The following OSGIN1 variants were observed in gnomAD, a reference collection of about 807,000 sequenced individuals.
OSGIN1 encodes oxidative stress-induced growth inhibitor 1.
OSGIN1 carries 19 observed loss-of-function variants against 20.1 expected under a neutral mutation model. The ratio of observed to expected loss-of-function variants is 0.95; its 90% CI spans 0.66 to 1.39. The LOEUF (loss-of-function observed/expected upper bound fraction) is 1.39. OSGIN1 is among the 40% of genes most tolerant of loss of function. The pLI, the probability that OSGIN1 is intolerant of heterozygous loss-of-function variation, is 0.00. For synonymous variants in OSGIN1, 368 were observed against 297.8 expected (o/e 1.24, Z -2.43); for missense variants, 820 against 653.0 (o/e 1.26, Z -2.79).
chr16:83,953,955 T>C (rs1236082487), intron 1 of OSGIN1, among the ~76,000 whole-genome samples: 1 of 152,232 alleles, frequency 6.6e-6, no homozygotes, highest in South Asian at 2.1e-4. Context: ...CTGTGATAAA[T>C]GGCAAGTGCC....
At chr16:83,958,250 G>A (rs1909037963) in intron 2 of OSGIN1, among the ~76,000 whole-genome samples, 1 of 152,212 alleles carries the variant, frequency 6.6e-6, no homozygotes, top group African/African-American at 2.4e-5. Flanking sequence ...GCTAGGCTTA[G>A]CAGTTTATAA....
At chr16:83,957,523 A>C (rs545836887) in intron 1 of OSGIN1, 117 bp from the exon 2 acceptor site, 2 of 640,538 alleles carry the variant, frequency 3.1e-6, no homozygotes, top group South Asian at 3.4e-5. Context: ...TCTCATGGGG[A>C]CCCCGGACCA....
rs1242262502 is a variant in OSGIN1 at position 83,965,618 on chromosome 16, A to G, written c.1045A>G (p.Ile349Val). ...KVHQMMREQS[I>V]LSPSPYEGYR... ...GCACCAGATGATGCGGGAGCAGTCC[A>G]TCCTGTCGCCCAGCCCCTATGAGGG... The change falls in exon 6 of 6, where the codon ATC becomes GTC. Residue 349 changes from isoleucine to valine, a missense_variant. Transcript: ENST00000393306. 3.7e-6 allele frequency: 6 copies of G among 1,613,056 alleles called. No homozygotes were observed. Among genetic ancestry groups the G allele is most frequent in the African/African-American group, 1.3e-5 (1 of 74,922 alleles).
chr16:83,958,674 G>A (rs1350399376), intron 2 of OSGIN1, among the ~76,000 whole-genome samples: 4 of 152,174 alleles, frequency 2.6e-5, no homozygotes, highest in Non-Finnish European at 5.9e-5. Flanking sequence ...CTGGTGAATC[G>A]CCCAGGAAGC....
chr16:83,953,682 C>G (rs1211602906), intron 1 of OSGIN1, among the ~76,000 whole-genome samples: 1 of 152,222 alleles, frequency 6.6e-6, no homozygotes, highest in Non-Finnish European at 1.5e-5. Flanking sequence ...AGGGGTGTGG[C>G]CAGCCCGGGC....
chr16:83,961,191 C>T (rs181534695), intron 5 of OSGIN1, 119 bp downstream of exon 5: 400 of 755,336 alleles, frequency 5.3e-4, no homozygotes, highest in Admixed American at 1.0e-3. Flanking sequence ...AGGACGCGCC[C>T]GTGACAGCCT....
chr16:83,964,885 C>A (rs2084257238), intron 5 of OSGIN1, among the ~76,000 whole-genome samples, 177 bp from the exon 6 acceptor site: 1 of 152,144 alleles, frequency 6.6e-6, no homozygotes, highest in South Asian at 2.1e-4. Flanking sequence ...CCCTTGTTAG[C>A]TCCATTTTAC....
intron 1 of OSGIN1, among the ~76,000 whole-genome samples, chr16:83,955,551 G>A (rs934547809): frequency 1.3e-5 from 2 of 152,170 alleles, no homozygotes; most frequent in African/African-American, 2.4e-5. Context: ...GGTGAGAAAC[G>A]CTCTGGCCCT....
intron 1 of OSGIN1, among the ~76,000 whole-genome samples, chr16:83,957,330 G>T (rs146512204): frequency 6.6e-6 from 1 of 152,068 alleles, no homozygotes; most frequent in Non-Finnish European, 1.5e-5. Context: ...AATGAGTTTC[G>T]GGGACTGTTA....
intron 1 of OSGIN1, among the ~76,000 whole-genome samples, chr16:83,956,005 ACATC>A (rs1392959797): frequency 5.9e-5 from 9 of 152,154 alleles, no homozygotes; most frequent in Non-Finnish European, 1.2e-4. Context: ...CCCGCTAGGC[ACATC>A]CTCACCCTCG....
intron 5 of OSGIN1, among the ~76,000 whole-genome samples, chr16:83,961,409 G>A (rs966986119): frequency 2.0e-5 from 3 of 152,124 alleles, no homozygotes; most frequent in Non-Finnish European, 2.9e-5. Context: ...TTCTTTTGAG[G>A]TTCTGATGAG....
chr16:83,955,213 A>T (rs1468191703), intron 1 of OSGIN1, among the ~76,000 whole-genome samples: 1 of 152,162 alleles, frequency 6.6e-6, no homozygotes, highest in Non-Finnish European at 1.5e-5. Flanking sequence ...ATCAGGAGCA[A>T]GCCAGAGAAA....
intron 1 of OSGIN1, among the ~76,000 whole-genome samples, chr16:83,956,478 C>G (rs1908936504): frequency 6.6e-6 from 1 of 152,154 alleles, no homozygotes; most frequent in African/African-American, 2.4e-5. Flanking sequence ...TGCCCGCCCA[C>G]TTGAGTGTGA....
chr16:83,960,283 C>T (rs1213949509), intron 3 of OSGIN1, among the ~76,000 whole-genome samples: 1 of 152,202 alleles, frequency 6.6e-6, no homozygotes, highest in Non-Finnish European at 1.5e-5. Context: ...CAGCACCTCC[C>T]AAGCTGATCT....
chr16:83,957,584 G>A (rs1484306798), intron 1 of OSGIN1, 56 bp from the exon 2 acceptor site: 1 of 897,622 alleles, frequency 1.1e-6, no homozygotes, highest in East Asian at 2.7e-5. Flanking sequence ...AAGTGGCTGT[G>A]TGGACACCCA....
rs751893070 is a variant in OSGIN1, at chr16:83,957,699, G to A, written c.28G>A (p.Gly10Ser). MSSSRKDHLGASSSEPLPVI... is the reference protein window; with the variant it reads MSSSRKDHLSASSSEPLPVI... ...GAGCTCCTCCAGAAAGGACCACCTC[G>A]GCGCCAGCAGCTCAGAGCCCCTCCC... Residue 10 changes from glycine (G) to serine (S), a missense_variant, in exon 2 of 6, where the codon GGC becomes AGC. Transcript: ENST00000393306. The A allele has an allele frequency of 1.2e-5, 20 of 1,606,312 alleles. No individual in the cohort carries two copies. Among genetic ancestry groups the A allele is most frequent in the East Asian group, 4.5e-5 (2 of 44,450 alleles).
rs562359266 is a variant in OSGIN1, at chr16:83,962,732, G to T, written c.488+1660G>T. Among the ~76,000 whole-genome samples the T allele has an allele frequency of 5.9e-5, 9 of 152,314 alleles. 1 individual carries two copies. The South Asian group carries it at 1.4e-3, about 25-fold the overall frequency. On this transcript the variant is annotated intron_variant, in intron 5 of 5. Transcript: ENST00000393306. Reference sequence around the variant, plus strand: ...GAGGCGGGACAACTCCAGCAGGGAGGGGTGTTTCCAGGTCTCAGACAGGTG... The same window carrying T: ...GAGGCGGGACAACTCCAGCAGGGAGTGGTGTTTCCAGGTCTCAGACAGGTG...
chr16:83,957,821 T>A, intron 2 of OSGIN1, 83 bp downstream of exon 2: 1 of 536,140 alleles, frequency 1.9e-6, no homozygotes, highest in Non-Finnish European at 3.2e-6. Flanking sequence ...GCTGGGCAAG[T>A]CCAGGCCTGG....
At chr16:83,962,672 A>G (rs55954812) in intron 5 of OSGIN1, among the ~76,000 whole-genome samples, 8,720 of 152,304 alleles carry the variant, frequency 0.057, 829 homozygotes, top group African/African-American at 0.2. Flanking sequence ...TGAGACATCA[A>G]TCACTATATG....
Sources: gnomAD v4.1 joint callset for allele counts (sites outside exome capture counted in the v4.1 genomes callset) on GRCh38, gnomAD v4.1.1 for gene constraint, MANE v1.5 for transcripts, NCBI Gene and HGNC (gene_info 2026-07-23, HGNC 2026-07-21) for gene names.